Variants in CASKIN1 observed in about 807,000 individuals in gnomAD.
CASKIN1 encodes CASK interacting protein 1, also known as caskin-1.
A neutral mutation model predicts 117.5 loss-of-function variants in CASKIN1; 42 were observed. The observed-to-expected ratio is 0.36, with a 90% CI of 0.28 to 0.46. The LOEUF (loss-of-function observed/expected upper bound fraction) is 0.46, where lower values mean the gene tolerates loss of function less well. Among genes scored for constraint, CASKIN1 ranks in the 20% least tolerant of loss-of-function variants. The probability of loss-of-function intolerance (pLI) is 1.00; values close to 1 mark genes in which losing one functional copy is unlikely to be tolerated. For missense variants in CASKIN1, 2,083 were observed against 2,077.3 expected (o/e 1.00, Z -0.05); for synonymous variants, 1,148 against 961.7 (o/e 1.19, Z -3.59).
At position 2,179,028 on chromosome 16, in the gene CASKIN1, G is replaced by T. The variant is rs1309527573; in HGVS notation, c.4073C>A (p.Ala1358Asp). 5.2e-6 allele frequency: 6 copies of T among 1,148,698 alleles called. No individual in the cohort carries two copies. The highest frequency in any genetic ancestry group is 6.4e-6 in the Non-Finnish European group (6 of 935,592). 71.2% of individuals were successfully genotyped at this position (1,148,698 alleles called of 1,614,324 possible). The change falls in exon 19 of 20, where the codon GCC becomes GAC. Residue 1358 changes from alanine to aspartate, a missense_variant. Ala to Asp is a moderately radical substitution (Grantham distance 126). Transcript: ENST00000343516. The surrounding 1 kb of genome is among the most constrained non-coding windows in gnomAD (Gnocchi z 5.8). ...AAAAAAAAPP[A>D]PPEGASPGDS... ...CCCTGGCGAGGCGCCTTCGGGCGGG[G>T]CGGGGGGCGCGGCGGCGGCGGCGGC...
rs774476333 is a variant in CASKIN1, at chr16:2,183,822, A to C, written c.1527+9T>G. 1 of 1,612,234 alleles carries C rather than the reference A, an allele frequency of 6.2e-7. No individual in the cohort carries two copies. The highest frequency in any genetic ancestry group is 1.1e-5 in the South Asian group (1 of 91,046). On this transcript the variant is annotated intron_variant, in intron 15 of 19. Transcript: ENST00000343516. ...CGCAGCTGGCGCTGGCGGCGCATGG[A>C]AAGCTCACCTCGGGAGTCATGCGGC...
In CASKIN1 at chr16:2,189,112, C is replaced by T. The variant is rs755383221; in HGVS notation, c.532G>A (p.Glu178Lys). The T allele has an allele frequency of 2.5e-6, 4 of 1,613,484 alleles. No individual in the cohort carries two copies. Among genetic ancestry groups the T allele is most frequent in the East Asian group, 4.5e-5 (2 of 44,878 alleles). ...LSSNMCAALLEPRPGDATDPN... is the reference protein window; with the variant it reads ...LSSNMCAALLKPRPGDATDPN... ...TCGGTGGCGTCTCCCGGCCGGGGCT[C>T]CAGCAGCGCCGCACACATATTGCTG... Residue 178 changes from glutamate to lysine, a missense_variant, in exon 6 of 20, where the codon GAG becomes AAG. Around this residue, in one of 3 missense-constraint regions of CASKIN1, gnomAD observed 203 missense variants for 338.7 expected, o/e 0.60. Coordinates refer to ENST00000343516, the MANE Select transcript of CASKIN1 (RefSeq NM_020764.4).
At chr16:2,194,533 T>G (rs1384348573) in intron 1 of CASKIN1, among the ~76,000 whole-genome samples, 1 of 152,136 alleles carries the variant, frequency 6.6e-6, no homozygotes, top group Non-Finnish European at 1.5e-5. Flanking sequence ...TGGAGGATAC[T>G]GCTGGACACC....
chr16:2,189,469 C>T lies in CASKIN1; in HGVS notation c.340G>A (p.Glu114Lys). ...AGSAVNIPSD[E>K]GHIPLHLAAQ... ...GCCAGGTGCAGGGGGATGTGGCCCT[C>T]ATCAGACGGGATGTTCACGGCCGAG... Residue 114 changes from glutamate to lysine, a missense_variant, in exon 4 of 20, where the codon GAG (glutamate) becomes AAG (lysine). This residue lies in a region of CASKIN1 where 203 missense variants were observed against 338.7 expected (regional missense o/e 0.60). Coordinates refer to ENST00000343516, the MANE Select transcript of CASKIN1 (RefSeq NM_020764.4). 2 of 1,612,232 alleles carry T rather than the reference C, an allele frequency of 1.2e-6. No individual in the cohort carries two copies. Among genetic ancestry groups the T allele is most frequent in the Non-Finnish European group, 1.7e-6 (2 of 1,179,798 alleles).
chr16:2,178,562 G>A lies in CASKIN1; in HGVS notation c.4284C>T (p.Ala1428=), dbSNP rs201908644. 4 of 1,593,936 alleles carry A rather than the reference G, an allele frequency of 2.5e-6. No individual in the cohort carries two copies. The Admixed American group carries it at 5.1e-5, about 20-fold the overall frequency. The change falls in exon 20 of 20, where the codon GCC becomes GCT. Residue 1428 remains alanine, a synonymous_variant. Coordinates refer to ENST00000343516, the MANE Select transcript of CASKIN1 (RefSeq NM_020764.4). ...GGCCAGGCGGCGTTCACTCCAGCAT[G>A]GCATCCAGCTGGTCGGCCAGGTCGT... The part of the protein sequence containing the change: ...MFDDLADQLD[A]MLE
In CASKIN1 at chr16:2,180,267, C is replaced by A. The variant is rs1211470058; in HGVS notation, c.3101G>T (p.Ser1034Ile). The part of the protein sequence containing the change: ...PEGHPTPRPA[S>I]PEPGRVATVL... ...GGTGGCCACCCGGCCCGGCTCTGGG[C>A]TGGCAGGGCGGGGAGTGGGGTGGCC... The change falls in exon 18 of 20, where the codon AGC becomes ATC. Residue 1034 changes from serine (S) to isoleucine (I), a missense_variant. By Grantham distance (142) the Ser-to-Ile change is moderately radical. Coordinates refer to ENST00000343516, the MANE Select transcript of CASKIN1 (RefSeq NM_020764.4). The A allele has an allele frequency of 6.4e-7, 1 of 1,561,676 alleles. No homozygotes were observed. The highest frequency in any genetic ancestry group is 1.9e-5 in the Admixed American group (1 of 53,304).
Position 2,181,326 on chromosome 16 carries a change from T to C in CASKIN1, c.2042A>G (p.His681Arg). 1 of 1,605,138 alleles carries C rather than the reference T, an allele frequency of 6.2e-7. No individual in the cohort carries two copies. Among genetic ancestry groups the C allele is most frequent in the Admixed American group, 1.7e-5 (1 of 59,652 alleles). ...GGTGGCCCTCGGGGTGGGTGGCAGGTGGCTGGAGGGCTTCTCAGTGGTGGG... is the reference window on the plus strand; with the variant it reads ...GGTGGCCCTCGGGGTGGGTGGCAGGCGGCTGGAGGGCTTCTCAGTGGTGGG... The part of the protein sequence containing the change: ...VGPTTEKPSS[H>R]LPPTPRATTR... Residue 681 changes from histidine (H) to arginine (R), a missense_variant, in exon 18 of 20, where the codon CAC (histidine) becomes CGC (arginine). Transcript: ENST00000343516.
intron 16 of CASKIN1, among the ~76,000 whole-genome samples, 160 bp downstream of exon 16, chr16:2,183,486 G>A (rs896202449): frequency 6.6e-6 from 1 of 151,958 alleles, no homozygotes; most frequent in Non-Finnish European, 1.5e-5. Flanking sequence ...TGACAAAACA[G>A]GGGCTGATCG....
Position 2,178,169 on chromosome 16 carries a change from G to A in CASKIN1, c.*381C>T. 2 of 486,408 alleles carry A rather than the reference G, an allele frequency of 4.1e-6. No individual in the cohort carries two copies. Among genetic ancestry groups the A allele is most frequent in the South Asian group, 3.3e-5 (2 of 60,348 alleles). 30.1% of individuals were successfully genotyped at this position (486,408 alleles called of 1,614,324 possible). On this transcript the variant is annotated 3_prime_UTR_variant, in exon 20 of 20. Transcript: ENST00000343516. ...GGTGGGGCAGGGGGGCCCTGACCTT[G>A]GTCCCCTGTCCCTTGTGCTGCGCCC... is the stretch of plus-strand genomic sequence containing the variant.
In CASKIN1 at chr16:2,184,877, G is replaced by C. The variant is rs146967529; in HGVS notation, c.1325-9C>G. ...CTGGGACCGGGCCACACCTGAGGAC[G>C]AGAGTGGGTGGGGGACAAGGGCTGT... On this transcript the variant is annotated splice_polypyrimidine_tract_variant and intron_variant, in intron 13 of 19. Coordinates refer to ENST00000343516, the MANE Select transcript of CASKIN1 (RefSeq NM_020764.4). 7.2e-5 allele frequency: 113 copies of C among 1,574,852 alleles called. No individual in the cohort carries two copies. The East Asian group carries it at 1.5e-3, about 20-fold the overall frequency.
rs1330084753 is a variant in CASKIN1 at position 2,180,915 on chromosome 16, A to G, written c.2453T>C (p.Met818Thr). Residue 818 changes from methionine (M) to threonine (T), a missense_variant, in exon 18 of 20, where the codon ATG (methionine) becomes ACG (threonine). Physicochemically the swap from Met to Thr is moderately conservative, Grantham distance 81. This residue lies in a region of CASKIN1 where 1,818 missense variants were observed against 1,688.9 expected (regional missense o/e 1.08). Coordinates refer to ENST00000343516, the MANE Select transcript of CASKIN1 (RefSeq NM_020764.4). ...TGACTGAGGCAGGGAGCGGGGTGAC[A>G]TGGGGCGCTCTGTCGGCGGCAGCAG... ...PQLLPPTERP[M>T]SPRSLPQSPT... is the part of the protein sequence containing the mutation. 3.4e-6 allele frequency: 5 copies of G among 1,456,832 alleles called. No individual in the cohort carries two copies. Among genetic ancestry groups the G allele is most frequent in the African/African-American group, 1.5e-5 (1 of 67,264 alleles). 90.2% of individuals were successfully genotyped at this position (1,456,832 alleles called of 1,614,324 possible).
intron 10 of CASKIN1, 59 bp downstream of exon 10, chr16:2,186,648 G>C (rs2093185612): frequency 6.8e-7 from 1 of 1,480,242 alleles, no homozygotes. Flanking sequence ...CACACTCGCT[G>C]CTTCCAGCCC....
rs1041906881 is a variant in CASKIN1, at chr16:2,182,253, G to A, written c.1630-324C>T. ...CAGCACCATGGGGAGACACACCCGA[G>A]TCATGGACACAGACGCATGGGGCCA... On this transcript the variant is annotated intron_variant, in intron 16 of 19. Coordinates refer to ENST00000343516, the MANE Select transcript of CASKIN1 (RefSeq NM_020764.4). The surrounding 1 kb of genome is among the most constrained non-coding windows in gnomAD (Gnocchi z 4.1). Among the ~76,000 whole-genome samples, 1 of 152,076 alleles carries A rather than the reference G, an allele frequency of 6.6e-6. No homozygotes were observed. The highest frequency in any genetic ancestry group is 2.4e-5 in the African/African-American group (1 of 41,390).
At chr16:2,195,495 G>T (rs1454187817) in intron 1 of CASKIN1, among the ~76,000 whole-genome samples, 2 of 152,216 alleles carry the variant, frequency 1.3e-5, no homozygotes, top group Admixed American at 6.5e-5. Flanking sequence ...TGGTCCACAC[G>T]CCCATCCATC....
At chr16:2,186,600 C>G in intron 10 of CASKIN1, 107 bp downstream of exon 10, 1 of 954,346 alleles carries the variant, frequency 1.0e-6, no homozygotes, top group Non-Finnish European at 1.6e-6. Flanking sequence ...CACGCTGGCA[C>G]CCAGAAACCC....
Position 2,179,920 on chromosome 16 carries a change from G to A in CASKIN1, c.3448C>T (p.Arg1150Cys), listed in dbSNP as rs775207161. ...FILTESDTVK[R>C]RPKAKEREAG... ...TCCCGCTCCTTGGCCTTGGGCCTGC[G>A]CTTGACCGTGTCAGACTCGGTCAGG... Residue 1150 changes from arginine to cysteine, a missense_variant, in exon 18 of 20, where the codon CGC (arginine) becomes TGC (cysteine). Transcript: ENST00000343516. The surrounding 1 kb of genome is among the most constrained non-coding windows in gnomAD (Gnocchi z 5.8). 1 of 1,605,368 alleles carries A rather than the reference G, an allele frequency of 6.2e-7. No homozygotes were observed. The highest frequency in any genetic ancestry group is 8.5e-7 in the Non-Finnish European group (1 of 1,176,466).
rs1463921989 is a variant in CASKIN1 at position 2,180,305 on chromosome 16, G to A, written c.3063C>T (p.Arg1021=). ...GAGTGGGGTGGCCCTCAGGAGGCCT[G>A]CGGGCAGCCCGGCCCCCACCCCCAA... ...SSIGGGGRAA[R]RPPEGHPTPR... Residue 1021 remains arginine, a synonymous_variant, in exon 18 of 20, where the codon CGC becomes CGT. Transcript: ENST00000343516. 1 of 1,589,910 alleles carries A rather than the reference G, an allele frequency of 6.3e-7. No individual in the cohort carries two copies.
In CASKIN1 at chr16:2,196,287, C is replaced by T. The variant is rs1057391185; in HGVS notation, c.94+52G>A. Reference sequence around the variant, plus strand: ...CGGCGCCGGGTGGGGGGCTCCGCGCCGGGGAGGGGCCCCCGGGGCTCCCAC... The same window carrying T: ...CGGCGCCGGGTGGGGGGCTCCGCGCTGGGGAGGGGCCCCCGGGGCTCCCAC... On this transcript the variant is annotated intron_variant, in intron 1 of 19. Transcript: ENST00000343516. This position sits in a 1 kb window ranked among gnomAD's most constrained non-coding sequence, Gnocchi z 5.7. 2.5e-4 allele frequency: 220 copies of T among 883,408 alleles called. No individual in the cohort carries two copies. Among genetic ancestry groups the T allele is most frequent in the Non-Finnish European group, 2.2e-4 (151 of 698,776 alleles). The allele number at this position is 883,408 out of a possible 1,614,324, so 54.7% of individuals were successfully genotyped here.
chr16:2,179,456 G>T lies in CASKIN1; in HGVS notation c.3776-131C>A. 1 of 1,384,872 alleles carries T rather than the reference G, an allele frequency of 7.2e-7. No homozygotes were observed. Among genetic ancestry groups the T allele is most frequent in the East Asian group, 2.8e-5 (1 of 35,624 alleles). 85.8% of individuals were successfully genotyped at this position (1,384,872 alleles called of 1,614,324 possible). A position where few individuals can be genotyped will look rare whatever the true frequency, so the allele number is the denominator to read the frequency against. ...CTCACCTTGCCCCCAGCCCTGGATG[G>T]ATGAGAGGGTCTGGGGACACGTTCC... On this transcript the variant is annotated intron_variant, in intron 18 of 19. Transcript: ENST00000343516. The surrounding 1 kb of genome is among the most constrained non-coding windows in gnomAD (Gnocchi z 5.8).
Sources: allele counts gnomAD v4.1 joint callset (sites outside exome capture counted in the v4.1 genomes callset), GRCh38; gene constraint gnomAD v4.1.1; regional missense constraint gnomAD v4.1.1; non-coding constraint Gnocchi (gnomAD v3.1); transcripts MANE v1.5; gene names NCBI Gene and HGNC (gene_info 2026-07-23, HGNC 2026-07-21).